LRIG3: variants seen among roughly 807,000 people sequenced by gnomAD.
LRIG3 encodes the protein leucine-rich repeats and immunoglobulin-like domains protein 3.
In LRIG3, 76 loss-of-function variants were observed where a neutral mutation model predicts 114.5. The observed-to-expected ratio is 0.66, with a 90% CI of 0.55 to 0.80. The LOEUF (loss-of-function observed/expected upper bound fraction) is 0.80. Ranked by LOEUF, LRIG3 falls within the 30% of genes least tolerant of loss-of-function variation. The probability of loss-of-function intolerance (pLI) is 0.00; values close to 1 mark genes in which losing one functional copy is unlikely to be tolerated. For synonymous variants in LRIG3, 512 were observed against 519.8 expected (o/e 0.98, Z 0.20); for missense variants, 1,239 against 1,382.8 (o/e 0.90, Z 1.65).
intron 3 of LRIG3, among the ~76,000 whole-genome samples, chr12:58,902,344 T>C (rs1871885076): frequency 6.6e-6 from 1 of 152,222 alleles, no homozygotes; most frequent in African/African-American, 2.4e-5. Context: ...AAATTGCTCA[T>C]GCACACTAAA....
At chr12:58,886,982 C>T (rs542102107) in intron 8 of LRIG3, 92 bp from the exon 9 acceptor site, 40 of 852,784 alleles carry the variant, frequency 4.7e-5, no homozygotes, top group African/African-American at 4.2e-4. Context: ...AAAAATTTCT[C>T]ATAATTCCCC....
chr12:58,902,158 G>T (rs551571662), intron 3 of LRIG3, among the ~76,000 whole-genome samples: 13 of 152,200 alleles, frequency 8.5e-5, no homozygotes, highest in African/African-American at 2.9e-4. Context: ...ACTTCCCTGA[G>T]TCTGTAAACA....
chr12:58,875,258 A>T (rs1473346130), intron 16 of LRIG3, among the ~76,000 whole-genome samples: 1 of 152,126 alleles, frequency 6.6e-6, no homozygotes, highest in Admixed American at 6.5e-5. Flanking sequence ...GGTTTTCCTT[A>T]AGTGTCTTTT....
chr12:58,904,173 C>T (rs1243656037), intron 3 of LRIG3, among the ~76,000 whole-genome samples: 1 of 152,104 alleles, frequency 6.6e-6, no homozygotes, highest in Non-Finnish European at 1.5e-5. Flanking sequence ...GGAGGTGGTA[C>T]TGCTAGAGCT....
In LRIG3 at chr12:58,919,388, G is replaced by C. The variant is rs760896147; in HGVS notation, c.236+612C>G. ...GAGTTCCGCCCTTTCCATAGCTACC[G>C]ACCAGTCTTTACAATCTGGTTGAGG... On this transcript the variant is annotated intron_variant, in intron 1 of 18. Transcript: ENST00000320743. The C allele has an allele frequency of 3.9e-6, 6 of 1,551,014 alleles. No homozygotes were observed. The South Asian group carries it at 4.8e-5, about 12-fold the overall frequency.
chr12:58,880,744 C>T lies in LRIG3; in HGVS notation c.1638G>A (p.Met546Ile), dbSNP rs750152739. The T allele has an allele frequency of 5.6e-6, 9 of 1,614,176 alleles. No homozygotes were observed. In the East Asian group the frequency reaches 1.1e-4, roughly 20 times the overall value. Residue 546 changes from methionine to isoleucine, a missense_variant, in exon 13 of 19, where the codon ATG becomes ATA. Physicochemically the swap from Met to Ile is conservative, Grantham distance 10. Coordinates refer to ENST00000320743, the MANE Select transcript of LRIG3 (RefSeq NM_153377.5). ...GGGCCCGGAGGTGTGCATAATTTTC[C>T]ATTTCAGCATCATGCAGTAGTTCAT... ...KDNELLHDAE[M>I]ENYAHLRAQG...
At chr12:58,917,613 C>G (rs11172822) in intron 1 of LRIG3, among the ~76,000 whole-genome samples, 13,994 of 152,152 alleles carry the variant, frequency 0.092, 824 homozygotes, top group South Asian at 0.16. Context: ...CATGGGACTC[C>G]TATAGTAATA....
chr12:58,915,627 G>T (rs913283792), intron 1 of LRIG3, among the ~76,000 whole-genome samples: 2 of 152,046 alleles, frequency 1.3e-5, no homozygotes, highest in Admixed American at 6.5e-5. Context: ...GACATGAGTA[G>T]ATTTGTTCTG....
chr12:58,920,038 C>A lies in LRIG3; in HGVS notation c.198G>T (p.Ala66=), dbSNP rs1274767424. The change falls in exon 1 of 19, where the codon GCG becomes GCT. Residue 66 remains alanine, a synonymous_variant. Transcript: ENST00000320743. The part of the protein sequence containing the change: ...DLLDCSRKRL[A]RLPEPLPSWV... ...AGGACGGGAGTGGCTCGGGAAGACG[C>A]GCTAGCCGCTTACGACTGCAGTCCA... The A allele has an allele frequency of 8.4e-6, 13 of 1,551,434 alleles. No homozygotes were observed. The highest frequency in any genetic ancestry group is 1.1e-5 in the Non-Finnish European group (13 of 1,147,786).
intron 12 of LRIG3, among the ~76,000 whole-genome samples, chr12:58,882,394 T>C (rs971325202): frequency 2.0e-5 from 3 of 152,212 alleles, no homozygotes; most frequent in African/African-American, 7.2e-5. Flanking sequence ...TAAAATTATT[T>C]ATAATAAATT....
At chr12:58,889,581 C>T (rs113478873) in intron 5 of LRIG3, among the ~76,000 whole-genome samples, 1 of 152,060 alleles carries the variant, frequency 6.6e-6, no homozygotes, top group Admixed American at 6.6e-5. Context: ...TGCCCTATTG[C>T]AGGAGTCTGT....
intron 8 of LRIG3, 86 bp from the exon 9 acceptor site, chr12:58,886,976 A>G (rs1362641125): frequency 1.1e-6 from 1 of 921,734 alleles, no homozygotes; most frequent in South Asian, 1.6e-5. Context: ...TTTGTAAAAA[A>G]TTTCTCATAA....
intron 18 of LRIG3, among the ~76,000 whole-genome samples, chr12:58,873,117 T>C (rs1296367546): frequency 3.3e-5 from 5 of 152,150 alleles, no homozygotes; most frequent in Non-Finnish European, 7.3e-5. Context: ...CCAATATAAG[T>C]TTCCCCACAT....
intron 8 of LRIG3, 54 bp downstream of exon 8, chr12:58,887,735 G>A: frequency 1.9e-6 from 3 of 1,581,134 alleles, no homozygotes; most frequent in Non-Finnish European, 2.6e-6. Flanking sequence ...AGAAAAGTGG[G>A]CATATTTAGG....
At chr12:58,909,381 C>T (rs1565623404) in intron 3 of LRIG3, among the ~76,000 whole-genome samples, 1 of 152,124 alleles carries the variant, frequency 6.6e-6, no homozygotes, top group African/African-American at 2.4e-5. Context: ...CCTTCATTCT[C>T]CTTTCTTTCT....
chr12:58,892,529 T>C (rs1459522839), intron 3 of LRIG3, among the ~76,000 whole-genome samples: 1 of 152,194 alleles, frequency 6.6e-6, no homozygotes, highest in African/African-American at 2.4e-5. Flanking sequence ...GAGGTGTACC[T>C]CTTACATATT....
intron 3 of LRIG3, among the ~76,000 whole-genome samples, chr12:58,910,622 A>G (rs1393827939): frequency 6.6e-6 from 1 of 152,058 alleles, no homozygotes; most frequent in Admixed American, 6.5e-5. Context: ...AAAAACAAAA[A>G]CAAAAACAAA....
intron 3 of LRIG3, among the ~76,000 whole-genome samples, chr12:58,910,397 C>G (rs963902141): frequency 1.3e-5 from 2 of 152,172 alleles, no homozygotes; most frequent in Non-Finnish European, 2.9e-5. Flanking sequence ...ATCATGAGGT[C>G]AGGAGATCGA....
chr12:58,873,374 T>C (rs1870800961), intron 18 of LRIG3, among the ~76,000 whole-genome samples: 2 of 152,178 alleles, frequency 1.3e-5, no homozygotes, highest in South Asian at 4.1e-4. Flanking sequence ...TTCGTAGAAG[T>C]TGGGTAAAAT....
Sources: allele counts gnomAD v4.1 joint callset (sites outside exome capture counted in the v4.1 genomes callset), GRCh38; gene constraint gnomAD v4.1.1; transcripts MANE v1.5; gene names NCBI Gene and HGNC (gene_info 2026-07-23, HGNC 2026-07-21).